Variants in DLGAP1 observed in about 807,000 individuals in gnomAD.
The protein encoded by DLGAP1 is DLG associated protein 1.
A neutral mutation model predicts 90.8 loss-of-function variants in DLGAP1; 11 were observed. The observed-to-expected ratio is 0.12, with a 90% CI of 0.08 to 0.20. The LOEUF is 0.20. DLGAP1 is among the 10% of genes least tolerant of loss of function. The probability of loss-of-function intolerance (pLI) is 1.00; values close to 1 mark genes in which losing one functional copy is unlikely to be tolerated. For missense variants in DLGAP1, 1,050 were observed against 1,333.8 expected (o/e 0.79, Z 3.31); for synonymous variants, 558 against 540.7 (o/e 1.03, Z -0.44).
chr18:4,354,404 A>C (rs1362916865), intron 1 of DLGAP1, among the ~76,000 whole-genome samples: 1 of 152,208 alleles, frequency 6.6e-6, no homozygotes, highest in Non-Finnish European at 1.5e-5. Flanking sequence ...CAGAGGGACC[A>C]GAAGAATCTG....
chr18:3,895,183 C>T (rs1352557037), intron 3 of DLGAP1, among the ~76,000 whole-genome samples: 1 of 151,864 alleles, frequency 6.6e-6, no homozygotes, highest in Non-Finnish European at 1.5e-5. Flanking sequence ...GCTTGAATAC[C>T]AGGAAGGTTA....
chr18:3,854,908 A>G (rs1853473225), intron 4 of DLGAP1, among the ~76,000 whole-genome samples: 2 of 152,216 alleles, frequency 1.3e-5, no homozygotes, highest in African/African-American at 2.4e-5. Flanking sequence ...TATTCACGCT[A>G]TGACACCATA....
chr18:3,551,760 CTTCCTTCCTTCT>C (rs1464206380), intron 9 of DLGAP1, among the ~76,000 whole-genome samples: 38 of 88,948 alleles, frequency 4.3e-4, no homozygotes, highest in African/African-American at 1.7e-3. Context: ...TCCTTCCTTC[CTTCCTTCCTTCT>C]TTCCTTCCTT....
rs549769535 is a variant in DLGAP1 at position 4,158,246 on chromosome 18, A to G, written c.-266-6959T>C. On this transcript the variant is annotated intron_variant, in intron 1 of 12. Coordinates refer to ENST00000315677, the MANE Select transcript of DLGAP1 (RefSeq NM_004746.4). ...AGTTGCATTGCACAATACAAAGTGA[A>G]TGGTAAAATTTGTGCTAAGTTTATA... Among the ~76,000 whole-genome samples, 3 of 150,456 alleles carry G rather than the reference A, an allele frequency of 2.0e-5. No individual in the cohort carries two copies. The East Asian group carries it at 5.9e-4, about 29-fold the overall frequency.
chr18:3,990,710 G>A (rs973641092), intron 3 of DLGAP1, among the ~76,000 whole-genome samples: 1 of 150,578 alleles, frequency 6.6e-6, no homozygotes, highest in African/African-American at 2.4e-5. Flanking sequence ...ATTAAAAGAA[G>A]AATAACCAGA....
chr18:3,560,495 CAGG>C (rs1304066626), intron 9 of DLGAP1, among the ~76,000 whole-genome samples: 2 of 141,354 alleles, frequency 1.4e-5, no homozygotes, highest in Non-Finnish European at 3.0e-5. Flanking sequence ...GAGGCTGATG[CAGG>C]AGAATTTCTT....
At chr18:3,824,012 C>A (rs1313112618) in intron 4 of DLGAP1, among the ~76,000 whole-genome samples, 1 of 145,412 alleles carries the variant, frequency 6.9e-6, no homozygotes, top group Non-Finnish European at 1.5e-5. Context: ...TATATTTTTT[C>A]CACTGACTAT....
intron 1 of DLGAP1, among the ~76,000 whole-genome samples, chr18:4,222,401 G>A (rs1365961878): frequency 6.6e-6 from 1 of 152,018 alleles, no homozygotes; most frequent in African/African-American, 2.4e-5. Context: ...TGATATACAA[G>A]GCACCAAAAT....
chr18:3,536,301 G>A (rs2052375184), intron 9 of DLGAP1, among the ~76,000 whole-genome samples: 1 of 145,774 alleles, frequency 6.9e-6, no homozygotes, highest in African/African-American at 2.6e-5. Flanking sequence ...TCAACTCACT[G>A]CAACCTGTGA....
chr18:4,331,897 C>A (rs950088985), intron 1 of DLGAP1, among the ~76,000 whole-genome samples: 1 of 151,852 alleles, frequency 6.6e-6, no homozygotes, highest in African/African-American at 2.4e-5. Context: ...TTGTTCAATG[C>A]ATACAAGATG....
At chr18:3,751,708 G>A (rs763086369) in intron 5 of DLGAP1, among the ~76,000 whole-genome samples, 5 of 151,214 alleles carry the variant, frequency 3.3e-5, no homozygotes, top group South Asian at 2.1e-4. Flanking sequence ...AGAGGTGTGC[G>A]CGTGTGCCAC....
intron 7 of DLGAP1, among the ~76,000 whole-genome samples, chr18:3,712,638 G>A (rs1274879688): frequency 2.6e-5 from 4 of 152,214 alleles, no homozygotes; most frequent in Non-Finnish European, 5.9e-5. Flanking sequence ...TGGCAGTGGT[G>A]TCAGGGGGCT....
At chr18:4,361,946 G>A (rs1053361439) in intron 1 of DLGAP1, among the ~76,000 whole-genome samples, 1 of 152,068 alleles carries the variant, frequency 6.6e-6, no homozygotes, top group African/African-American at 2.4e-5. Flanking sequence ...ATTTCTCCAA[G>A]GAAGATATAC....
intron 3 of DLGAP1, among the ~76,000 whole-genome samples, chr18:3,948,643 T>C (rs1949456461): frequency 6.6e-6 from 1 of 152,202 alleles, no homozygotes; most frequent in Admixed American, 6.5e-5. Context: ...TCAATGGCAT[T>C]TGCAGCAACC....
At chr18:4,434,835 C>G (rs1443464360) in intron 1 of DLGAP1, among the ~76,000 whole-genome samples, 5 of 152,050 alleles carry the variant, frequency 3.3e-5, no homozygotes, top group Non-Finnish European at 5.9e-5. Context: ...AAGGACATCC[C>G]AAGGAAAGGA....
At chr18:3,812,891 A>C (rs961937214) in intron 5 of DLGAP1, among the ~76,000 whole-genome samples, 1 of 152,204 alleles carries the variant, frequency 6.6e-6, no homozygotes, top group African/African-American at 2.4e-5. Context: ...ATTTAGTAAC[A>C]TAAATGCATG....
At chr18:4,090,879 TGG>T (rs1411909468) in intron 2 of DLGAP1, among the ~76,000 whole-genome samples, 2 of 152,184 alleles carry the variant, frequency 1.3e-5, no homozygotes, top group African/African-American at 4.8e-5. Flanking sequence ...AAAGAAAATG[TGG>T]TACATATACA....
At position 4,023,997 on chromosome 18, in the gene DLGAP1, T is replaced by C. The variant is rs543062348; in HGVS notation, c.-158-18796A>G. ...TATGTATTTTTCTTCCCCTCTCTCA[T>C]TGGCATTTATCTCGATGTAATTGAC... On this transcript the variant is annotated intron_variant, in intron 2 of 12. Coordinates refer to ENST00000315677, the MANE Select transcript of DLGAP1 (RefSeq NM_004746.4). Among the ~76,000 whole-genome samples, 26 of 152,342 alleles carry C rather than the reference T, an allele frequency of 1.7e-4. No homozygotes were observed. In the South Asian group the frequency reaches 5.2e-3, roughly 30 times the overall value.
chr18:4,125,914 G>A (rs923342747), intron 2 of DLGAP1, among the ~76,000 whole-genome samples: 2 of 152,166 alleles, frequency 1.3e-5, no homozygotes, highest in African/African-American at 4.8e-5. Flanking sequence ...AGAGTGACTG[G>A]AGCCACAGGA....
Sources: allele counts gnomAD v4.1 joint callset (sites outside exome capture counted in the v4.1 genomes callset), GRCh38; gene constraint gnomAD v4.1.1; transcripts MANE v1.5; gene names NCBI Gene and HGNC (gene_info 2026-07-23, HGNC 2026-07-21).